ADGRB3: variants seen among roughly 807,000 people sequenced by gnomAD.
ADGRB3 encodes brain-specific angiogenesis inhibitor 3.
ADGRB3 carries 37 observed loss-of-function variants against 193.4 expected under a neutral mutation model. The ratio of observed to expected loss-of-function variants is 0.19; its 90% CI spans 0.15 to 0.25. The LOEUF (loss-of-function observed/expected upper bound fraction) is 0.25, where lower values mean the gene tolerates loss of function less well. Ranked by LOEUF, ADGRB3 falls within the 10% of genes least tolerant of loss-of-function variation. The pLI, the probability that ADGRB3 is intolerant of heterozygous loss-of-function variation, is 1.00. For synonymous variants in ADGRB3, 690 were observed against 644.2 expected, an observed-to-expected ratio of 1.07 and a Z score of -1.08; for missense variants, 1,637 against 1,852.9, an observed-to-expected ratio of 0.88 and a Z score of 2.14.
rs897678613 is a variant in ADGRB3 at position 69,204,262 on chromosome 6, A to G, written c.2481-29028A>G. Among the ~76,000 whole-genome samples the G allele has an allele frequency of 2.6e-5, 4 of 152,256 alleles. No individual in the cohort carries two copies. The East Asian group carries it at 5.8e-4, about 22-fold the overall frequency. Reference sequence around the variant, plus strand: ...ATGAAGCAAAGTGTTTCCTTTGGACATTATATTTTTTTATTGATACTTAAA... The same window carrying G: ...ATGAAGCAAAGTGTTTCCTTTGGACGTTATATTTTTTTATTGATACTTAAA... On this transcript the variant is annotated intron_variant, in intron 17 of 31. Transcript: ENST00000370598.
At chr6:69,011,369 G>T (rs1219587155) in intron 11 of ADGRB3, among the ~76,000 whole-genome samples, 2 of 151,882 alleles carry the variant, frequency 1.3e-5, no homozygotes, top group Admixed American at 6.6e-5. Flanking sequence ...GCAAATTAAT[G>T]CAGGAACAGA....
chr6:68,665,827 G>A (rs535288140), intron 3 of ADGRB3, among the ~76,000 whole-genome samples: 6 of 151,756 alleles, frequency 4.0e-5, no homozygotes, highest in African/African-American at 1.2e-4. Context: ...TTGTATTCAT[G>A]TACAGAGCTC....
intron 3 of ADGRB3, among the ~76,000 whole-genome samples, chr6:68,771,393 C>T (rs879586661): frequency 2.0e-4 from 30 of 150,406 alleles, no homozygotes; most frequent in Non-Finnish European, 2.7e-4. Context: ...TATACACACA[C>T]ACACACACAC....
At chr6:68,844,752 T>C (rs1768239883) in intron 3 of ADGRB3, among the ~76,000 whole-genome samples, 17 of 152,036 alleles carry the variant, frequency 1.1e-4, no homozygotes, top group Admixed American at 1.1e-3. Flanking sequence ...ATAAAGAAAA[T>C]TTGGTACATG....
At chr6:68,855,718 G>A (rs1184550834) in intron 3 of ADGRB3, among the ~76,000 whole-genome samples, 1 of 152,042 alleles carries the variant, frequency 6.6e-6, no homozygotes, top group African/African-American at 2.4e-5. Context: ...AGAATGTACT[G>A]GATTAGTAAT....
At chr6:68,827,771 T>C (rs909045899) in intron 3 of ADGRB3, among the ~76,000 whole-genome samples, 2 of 152,108 alleles carry the variant, frequency 1.3e-5, no homozygotes, top group African/African-American at 4.8e-5. Flanking sequence ...TCATCTTTGT[T>C]AGTGTAGCCC....
At chr6:68,655,527 AT>A (rs1385802426) in intron 3 of ADGRB3, among the ~76,000 whole-genome samples, 3 of 151,718 alleles carry the variant, frequency 2.0e-5, no homozygotes, top group Non-Finnish European at 3.0e-5. Flanking sequence ...ATAAAAAGTA[AT>A]CAATTTCTTT....
intron 17 of ADGRB3, among the ~76,000 whole-genome samples, chr6:69,136,678 T>G (rs1463557000): frequency 1.3e-5 from 2 of 152,108 alleles, no homozygotes; most frequent in Non-Finnish European, 2.9e-5. Context: ...TTTTCTTCAC[T>G]CTTTAACTTT....
intron 17 of ADGRB3, among the ~76,000 whole-genome samples, chr6:69,202,472 GGAGA>G (rs140802125): frequency 0.018 from 2,729 of 151,930 alleles, 76 homozygotes; most frequent in African/African-American, 0.062. Context: ...AGAGAGAGAC[GGAGA>G]GAGAGAGACA....
intron 17 of ADGRB3, among the ~76,000 whole-genome samples, chr6:69,084,144 C>T (rs1035278135): frequency 1.3e-5 from 2 of 152,124 alleles, no homozygotes; most frequent in Admixed American, 1.3e-4. Context: ...AGTGTTTGAT[C>T]TTTCATCTTT....
At chr6:69,154,818 T>A (rs1254290885) in intron 17 of ADGRB3, among the ~76,000 whole-genome samples, 1 of 152,226 alleles carries the variant, frequency 6.6e-6, no homozygotes, top group East Asian at 1.9e-4. Flanking sequence ...ATATATTTAT[T>A]TATCCATTCA....
chr6:68,884,186 T>C (rs938812691), intron 3 of ADGRB3, among the ~76,000 whole-genome samples: 14 of 152,312 alleles, frequency 9.2e-5, no homozygotes, highest in Non-Finnish European at 1.5e-4. Flanking sequence ...CTTTAACATA[T>C]ACTCTTTCAC....
chr6:69,039,521 AT>A (rs1011694739), intron 13 of ADGRB3, among the ~76,000 whole-genome samples: 27 of 152,208 alleles, frequency 1.8e-4, no homozygotes, highest in Admixed American at 1.8e-3. Context: ...CTCCATTGCA[AT>A]TACTCAACTC....
At chr6:68,939,681 A>G (rs577142130) in intron 5 of ADGRB3, among the ~76,000 whole-genome samples, 1 of 152,284 alleles carries the variant, frequency 6.6e-6, no homozygotes, top group Non-Finnish European at 1.5e-5. Flanking sequence ...ATTTTATGTT[A>G]TTATTTGTTG....
intron 24 of ADGRB3, among the ~76,000 whole-genome samples, chr6:69,333,887 G>A (rs910929174): frequency 1.1e-4 from 16 of 149,700 alleles, no homozygotes; most frequent in South Asian, 2.1e-4. Flanking sequence ...CCAAGATCGC[G>A]CCACTGCACT....
chr6:69,313,904 T>C (rs35865882), intron 20 of ADGRB3, among the ~76,000 whole-genome samples: 1 of 151,752 alleles, frequency 6.6e-6, no homozygotes, highest in African/African-American at 2.4e-5. Flanking sequence ...TTTAACACTT[T>C]ACTCTGGTCT....
chr6:68,930,524 A>C (rs769980271), intron 3 of ADGRB3, 35 bp from the exon 4 acceptor site: 6 of 1,446,804 alleles, frequency 4.1e-6, no homozygotes, highest in East Asian at 2.3e-5. Flanking sequence ...AAATGTCTAC[A>C]CACAAGCTTT....
chr6:69,025,523 C>CT (rs5877186), intron 13 of ADGRB3, among the ~76,000 whole-genome samples: 2,051 of 139,614 alleles, frequency 0.015, 33 homozygotes, highest in African/African-American at 0.036. Context: ...CACAATTTAA[C>CT]TTTTTTTTTT....
At chr6:69,348,166 T>C (rs1300876505) in intron 26 of ADGRB3, among the ~76,000 whole-genome samples, 1 of 152,156 alleles carries the variant, frequency 6.6e-6, no homozygotes, top group Non-Finnish European at 1.5e-5. Context: ...TGAAATAAGA[T>C]GGGTGAGATG....
Sources: allele counts gnomAD v4.1 joint callset (sites outside exome capture counted in the v4.1 genomes callset), GRCh38; gene constraint gnomAD v4.1.1; transcripts MANE v1.5; gene names NCBI Gene and HGNC (gene_info 2026-07-23, HGNC 2026-07-21).